PDLIM1: variants seen among roughly 807,000 people sequenced by gnomAD.
PDLIM1 encodes the protein PDZ and LIM domain protein 1.
A neutral mutation model predicts 35.2 loss-of-function variants in PDLIM1; 25 were observed. That is an observed-to-expected ratio of 0.71 (90% CI 0.52 to 0.99). PDLIM1 has a LOEUF of 0.99. Among genes scored for constraint, PDLIM1 ranks in the 50% least tolerant of loss-of-function variants. The pLI, the probability that PDLIM1 is intolerant of heterozygous loss-of-function variation, is 0.00. For synonymous variants in PDLIM1, 152 were observed against 154.0 expected, an observed-to-expected ratio of 0.99 and a Z score of 0.10; for missense variants, 363 against 415.3, an observed-to-expected ratio of 0.87 and a Z score of 1.09.
intron 1 of PDLIM1, among the ~76,000 whole-genome samples, chr10:95,287,211 A>G: frequency 6.6e-6 from 1 of 152,222 alleles, no homozygotes; most frequent in East Asian, 1.9e-4. Flanking sequence ...TCACAGACCA[A>G]GGGCATGCAG....
In PDLIM1 at chr10:95,257,002, G is replaced by GAAAAGAAAAGAAAAGAAAAGA. The variant is rs371813071; in HGVS notation, c.533+6861_533+6862insTCTTTTCTTTTCTTTTCTTTT. On this transcript the variant is annotated intron_variant, in intron 4 of 6. Coordinates refer to ENST00000329399, the MANE Select transcript of PDLIM1 (RefSeq NM_020992.4). ...AAAAAAAAAAAAAGAAAGAAAGAAA[G>GAAAAGAAAAGAAAAGAAAAGA]AAAGAAAGAAAGAAAGAAAGAAAGA... 6.7e-3 allele frequency among the ~76,000 whole-genome samples: 591 copies of GAAAAGAAAAGAAAAGAAAAGA among 88,622 alleles called. 6 individuals are homozygous for GAAAAGAAAAGAAAAGAAAAGA. Among genetic ancestry groups the GAAAAGAAAAGAAAAGAAAAGA allele is most frequent in the Non-Finnish European group, 9.7e-3 (322 of 33,096 alleles). The allele number at this position is 88,622 out of a possible 152,430, so 58.1% of individuals were successfully genotyped here.
intron 3 of PDLIM1, among the ~76,000 whole-genome samples, chr10:95,267,684 C>T (rs1378246402): frequency 6.6e-6 from 1 of 152,158 alleles, no homozygotes; most frequent in Non-Finnish European, 1.5e-5. Context: ...TTATATCCAA[C>T]CACCCAATTA....
At chr10:95,244,323 C>T (rs1217114001) in intron 5 of PDLIM1, among the ~76,000 whole-genome samples, 2 of 152,206 alleles carry the variant, frequency 1.3e-5, no homozygotes, top group Non-Finnish European at 2.9e-5. Flanking sequence ...AGGGGCCTTA[C>T]TCACTGTGCA....
At chr10:95,241,381 G>A (rs530498616) in intron 5 of PDLIM1, among the ~76,000 whole-genome samples, 5 of 152,284 alleles carry the variant, frequency 3.3e-5, no homozygotes, top group East Asian at 1.9e-4. Context: ...AGAATACATG[G>A]TTGACTGTAT....
rs71034327 is a variant in PDLIM1 at position 95,256,986 on chromosome 10, AAAAGAAAG to A, written c.533+6870_533+6877del. 5.3e-3 allele frequency among the ~76,000 whole-genome samples: 329 copies of A among 61,672 alleles called. 3 individuals are homozygous for A. The highest frequency in any genetic ancestry group is 0.04 in the East Asian group (121 of 3,004). The allele number at this position is 61,672 out of a possible 152,430, so 40.5% of individuals were successfully genotyped here. ...TGAGACTTCATCTTAAAAAAAAAAA[AAAAGAAAG>A]AAAGAAAGAAAGAAAGAAAGAAAGA... On this transcript the variant is annotated intron_variant, in intron 4 of 6. Coordinates refer to ENST00000329399, the MANE Select transcript of PDLIM1 (RefSeq NM_020992.4).
rs1589503519 is a variant in PDLIM1 at position 95,238,440 on chromosome 10, C to T, written c.803+128G>A. On this transcript the variant is annotated intron_variant, in intron 6 of 6. Transcript: ENST00000329399. ...GGGACACAGGACCTTTCTGGCCTCT[C>T]TGTTGCATTTTTCCAGGAGGGATTT... 8.4e-6 allele frequency: 6 copies of T among 713,516 alleles called. No homozygotes were observed. The East Asian group carries it at 1.5e-4, about 18-fold the overall frequency. 44.2% of individuals were successfully genotyped at this position (713,516 alleles called of 1,614,324 possible).
intron 4 of PDLIM1, among the ~76,000 whole-genome samples, chr10:95,260,255 G>T (rs932677230): frequency 3.2e-4 from 48 of 152,148 alleles, no homozygotes; most frequent in African/African-American, 1.2e-3. Context: ...TTTTCCCAAG[G>T]TCACACAGCT....
chr10:95,269,338 G>C (rs1385861345), intron 2 of PDLIM1, among the ~76,000 whole-genome samples: 1 of 152,202 alleles, frequency 6.6e-6, no homozygotes, highest in African/African-American at 2.4e-5. Flanking sequence ...TTGGGAGGCT[G>C]AGGTGGGGAA....
At chr10:95,281,999 T>C (rs2133441460) in intron 1 of PDLIM1, among the ~76,000 whole-genome samples, 1 of 152,314 alleles carries the variant, frequency 6.6e-6, no homozygotes, top group South Asian at 2.1e-4. Context: ...ATATTGTAAA[T>C]GTGTAACTAA....
At chr10:95,238,246 C>T (rs1446667548) in intron 6 of PDLIM1, 135 bp from the exon 7 acceptor site, 2 of 737,140 alleles carry the variant, frequency 2.7e-6, no homozygotes, top group East Asian at 5.4e-5. Context: ...GAAACCAGGG[C>T]CTCCCAACTG....
intron 1 of PDLIM1, among the ~76,000 whole-genome samples, chr10:95,289,478 C>T (rs966506611): frequency 6.6e-5 from 10 of 152,130 alleles, no homozygotes; most frequent in African/African-American, 1.9e-4. Flanking sequence ...ACTGGCCCGC[C>T]TACTCTTTTA....
At chr10:95,238,722 G>A (rs954398297) in intron 5 of PDLIM1, 37 bp from the exon 6 acceptor site, 1 of 1,263,260 alleles carries the variant, frequency 7.9e-7, no homozygotes, top group Non-Finnish European at 1.2e-6. Context: ...GCCAGGAAGG[G>A]CAGAATTGCA....
At chr10:95,286,283 G>T (rs9731008) in intron 1 of PDLIM1, among the ~76,000 whole-genome samples, 6 of 151,882 alleles carry the variant, frequency 4.0e-5, no homozygotes, top group South Asian at 2.1e-4. Flanking sequence ...CTTGAACCCA[G>T]GGGGTGGAGG....
chr10:95,242,323 AT>A (rs1564597149), intron 5 of PDLIM1, among the ~76,000 whole-genome samples: 1 of 151,904 alleles, frequency 6.6e-6, no homozygotes, highest in Non-Finnish European at 1.5e-5. Context: ...ACCTGTATTA[AT>A]TTTTTTAATA....
At chr10:95,264,402 C>T (rs941318760) in intron 3 of PDLIM1, among the ~76,000 whole-genome samples, 1 of 152,220 alleles carries the variant, frequency 6.6e-6, no homozygotes, top group East Asian at 1.9e-4. Context: ...AGCTAAAACA[C>T]GCTTTCAGGG....
chr10:95,242,587 T>C (rs916827554), intron 5 of PDLIM1, among the ~76,000 whole-genome samples: 1 of 151,374 alleles, frequency 6.6e-6, no homozygotes, highest in African/African-American at 2.4e-5. Flanking sequence ...CTTGGGAGGC[T>C]GAGGCAGGAG....
intron 4 of PDLIM1, among the ~76,000 whole-genome samples, chr10:95,258,359 G>A (rs1050978146): frequency 1.3e-4 from 19 of 151,966 alleles, no homozygotes; most frequent in Non-Finnish European, 2.5e-4. Context: ...AAAATTAGCC[G>A]GGCATGGTGG....
chr10:95,266,371 T>C (rs1158738602), intron 3 of PDLIM1, among the ~76,000 whole-genome samples: 1 of 152,152 alleles, frequency 6.6e-6, no homozygotes, highest in African/African-American at 2.4e-5. Flanking sequence ...CTGGTACCCT[T>C]GCCTACATGT....
chr10:95,280,126 A>G (rs1024955379), intron 1 of PDLIM1, among the ~76,000 whole-genome samples: 2 of 152,232 alleles, frequency 1.3e-5, no homozygotes, highest in Non-Finnish European at 2.9e-5. Flanking sequence ...CTGTAATCCC[A>G]GCTCTCTGGG....
Sources: gnomAD v4.1 joint callset for allele counts (sites outside exome capture counted in the v4.1 genomes callset) on GRCh38, gnomAD v4.1.1 for gene constraint, MANE v1.5 for transcripts, NCBI Gene and HGNC (gene_info 2026-07-23, HGNC 2026-07-21) for gene names.